Variants in POU6F2 observed in about 807,000 individuals in gnomAD.
POU6F2 encodes POU class 6 homeobox 2.
POU6F2 carries 31 observed loss-of-function variants against 71.3 expected under a neutral mutation model. The observed-to-expected ratio is 0.43, with a 90% CI of 0.33 to 0.59. The LOEUF is 0.59. POU6F2 is among the 20% of genes least tolerant of loss of function. The pLI, the probability that POU6F2 is intolerant of heterozygous loss-of-function variation, is 0.04. For synonymous variants in POU6F2, 347 were observed against 355.7 expected (o/e 0.98, Z 0.27); for missense variants, 783 against 856.8 (o/e 0.91, Z 1.07).
chr7:39,436,548 T>C (rs1220063711), intron 7 of POU6F2, among the ~76,000 whole-genome samples: 1 of 130,538 alleles, frequency 7.7e-6, no homozygotes, highest in Non-Finnish European at 1.6e-5. Flanking sequence ...TTTCTAAATA[T>C]AAAATCATGT....
At chr7:39,449,943 G>T (rs1446523564) in intron 7 of POU6F2, among the ~76,000 whole-genome samples, 1 of 152,152 alleles carries the variant, frequency 6.6e-6, no homozygotes, top group African/African-American at 2.4e-5. Context: ...GCTGTCTAGG[G>T]CAGGAAGTTG....
intron 1 of POU6F2, among the ~76,000 whole-genome samples, chr7:38,981,940 T>A (rs990267426): frequency 6.6e-6 from 1 of 152,188 alleles, no homozygotes; most frequent in Non-Finnish European, 1.5e-5. Flanking sequence ...TCAAAACAAT[T>A]AATTTTACAT....
At chr7:39,119,138 G>A (rs1791991246) in intron 2 of POU6F2, among the ~76,000 whole-genome samples, 1 of 152,170 alleles carries the variant, frequency 6.6e-6, no homozygotes, top group African/African-American at 2.4e-5. Flanking sequence ...GGAAAGAGGT[G>A]GAGGGAATTC....
At chr7:39,155,868 G>A (rs1321435916) in intron 2 of POU6F2, among the ~76,000 whole-genome samples, 3 of 152,032 alleles carry the variant, frequency 2.0e-5, no homozygotes, top group Non-Finnish European at 4.4e-5. Flanking sequence ...ATAGCCATAT[G>A]GCAAACACTA....
chr7:38,988,926 C>T lies in POU6F2; in HGVS notation c.105+10868C>T, dbSNP rs536193781. 3.3e-5 allele frequency among the ~76,000 whole-genome samples: 5 copies of T among 152,266 alleles called. No homozygotes were observed. The South Asian group carries it at 1.0e-3, about 32-fold the overall frequency. ...TCATTACAGCAACATCTCATTTACT[C>T]CCTCCCTGACTTCCTCCTTCCTTTC... On this transcript the variant is annotated intron_variant, in intron 1 of 9. Transcript: ENST00000518318.
At chr7:39,400,673 GC>G (rs1176565892) in intron 5 of POU6F2, among the ~76,000 whole-genome samples, 1 of 152,170 alleles carries the variant, frequency 6.6e-6, no homozygotes, top group African/African-American at 2.4e-5. Flanking sequence ...TTCTGGGAAA[GC>G]TGACCAAAAA....
At chr7:39,060,428 G>C (rs1426031612) in intron 1 of POU6F2, among the ~76,000 whole-genome samples, 3 of 152,020 alleles carry the variant, frequency 2.0e-5, no homozygotes, top group African/African-American at 2.4e-5. Flanking sequence ...AAAAACAACT[G>C]AATTATACAC....
chr7:39,145,983 A>G (rs1283312102), intron 2 of POU6F2, among the ~76,000 whole-genome samples: 3 of 152,226 alleles, frequency 2.0e-5, no homozygotes, highest in African/African-American at 7.2e-5. Context: ...ACAAATACCT[A>G]TTGAGTGCCT....
In POU6F2 at chr7:39,416,612, C is replaced by T. The variant is rs983993808; in HGVS notation, c.1113+9872C>T. ...CCCTTCCAAAGAAAAAGAGAAATATCGAATGCTGTATTTTGAGTCTTCTTA... is the reference window on the plus strand; with the variant it reads ...CCCTTCCAAAGAAAAAGAGAAATATTGAATGCTGTATTTTGAGTCTTCTTA... On this transcript the variant is annotated intron_variant, in intron 6 of 9. Transcript: ENST00000518318. 9.2e-5 allele frequency among the ~76,000 whole-genome samples: 14 copies of T among 152,190 alleles called. 1 individual carries two copies. Among genetic ancestry groups the T allele is most frequent in the African/African-American group, 2.4e-4 (10 of 41,518 alleles).
intron 5 of POU6F2, chr7:39,404,606 G>A (rs1032731009): frequency 6.6e-6 from 1 of 152,110 alleles, no homozygotes; most frequent in African/African-American, 2.4e-5. Flanking sequence ...CATTTGTTGA[G>A]GATGAAGAAG....
At chr7:39,176,121 GC>G (rs1441079308) in intron 2 of POU6F2, among the ~76,000 whole-genome samples, 1 of 151,946 alleles carries the variant, frequency 6.6e-6, no homozygotes, top group Non-Finnish European at 1.5e-5. Context: ...GCTTAACTCC[GC>G]CAAATAACCA....
chr7:39,444,836 T>C (rs1210676388), intron 7 of POU6F2, among the ~76,000 whole-genome samples: 1 of 152,220 alleles, frequency 6.6e-6, no homozygotes, highest in Admixed American at 6.5e-5. Context: ...ACACAGACAT[T>C]ATTTTTGTGT....
chr7:39,047,484 G>A (rs1790315045), intron 1 of POU6F2, among the ~76,000 whole-genome samples: 2 of 151,760 alleles, frequency 1.3e-5, no homozygotes, highest in South Asian at 4.1e-4. Context: ...GAATGGAATT[G>A]TATTCTTGAT....
intron 2 of POU6F2, among the ~76,000 whole-genome samples, chr7:39,140,400 T>C (rs1399212124): frequency 6.6e-6 from 1 of 152,174 alleles, no homozygotes; most frequent in African/African-American, 2.4e-5. Context: ...AACTGGATGG[T>C]TGAAAATAAC....
chr7:39,141,931 C>T (rs568187867), intron 2 of POU6F2, among the ~76,000 whole-genome samples: 38 of 152,032 alleles, frequency 2.5e-4, no homozygotes, highest in African/African-American at 7.0e-4. Flanking sequence ...ACCAAAAATA[C>T]GAAAAATTAG....
intron 5 of POU6F2, among the ~76,000 whole-genome samples, chr7:39,343,417 A>AG (rs1253206912): frequency 6.6e-6 from 1 of 152,040 alleles, no homozygotes; most frequent in African/African-American, 2.4e-5. Context: ...AGGTAAAAAA[A>AG]AAAAAAAAAT....
chr7:39,129,368 G>A (rs1792208543), intron 2 of POU6F2, among the ~76,000 whole-genome samples: 1 of 152,138 alleles, frequency 6.6e-6, no homozygotes, highest in South Asian at 2.1e-4. Context: ...TCAGATAAAG[G>A]AAATTTGACC....
chr7:39,107,063 T>C (rs1791706106), intron 2 of POU6F2, among the ~76,000 whole-genome samples: 1 of 150,978 alleles, frequency 6.6e-6, no homozygotes, highest in Non-Finnish European at 1.5e-5. Context: ...TTCTTTTTTT[T>C]CAAACAAGGC....
chr7:39,146,553 A>G, intron 2 of POU6F2, among the ~76,000 whole-genome samples: 1 of 152,192 alleles, frequency 6.6e-6, no homozygotes. Context: ...TTTGATAGCC[A>G]CGTTTGATAG....
Sources: gnomAD v4.1 joint callset for allele counts (sites outside exome capture counted in the v4.1 genomes callset) on GRCh38, gnomAD v4.1.1 for gene constraint, MANE v1.5 for transcripts, NCBI Gene and HGNC (gene_info 2026-07-23, HGNC 2026-07-21) for gene names.